The following DCLK1 variants were observed in gnomAD, a reference collection of about 807,000 sequenced individuals.
The protein encoded by DCLK1 is serine/threonine-protein kinase DCLK1.
DCLK1 carries 16 observed loss-of-function variants against 86.2 expected under a neutral mutation model. That is an observed-to-expected ratio of 0.19 (90% CI 0.13 to 0.28). The LOEUF (loss-of-function observed/expected upper bound fraction) is 0.28. Ranked by LOEUF, DCLK1 falls within the 10% of genes least tolerant of loss-of-function variation. The probability of loss-of-function intolerance (pLI) is 1.00; values close to 1 mark genes in which losing one functional copy is unlikely to be tolerated. For missense variants in DCLK1, 590 were observed against 940.2 expected, an observed-to-expected ratio of 0.63 and a Z score of 4.87; for synonymous variants, 369 against 370.5, an observed-to-expected ratio of 1.00 and a Z score of 0.05.
At chr13:35,998,751 C>T (rs921827644) in intron 3 of DCLK1, among the ~76,000 whole-genome samples, 1 of 152,154 alleles carries the variant, frequency 6.6e-6, no homozygotes, top group Non-Finnish European at 1.5e-5. Flanking sequence ...CTTTTCAGAG[C>T]TACACCCTAA....
At chr13:36,027,246 T>G (rs1764605082) in intron 3 of DCLK1, among the ~76,000 whole-genome samples, 1 of 152,160 alleles carries the variant, frequency 6.6e-6, no homozygotes, top group African/African-American at 2.4e-5. Context: ...GGGCATTAGA[T>G]TCTCATAAGG....
intron 3 of DCLK1, among the ~76,000 whole-genome samples, chr13:36,103,474 G>A (rs1374973489): frequency 1.3e-5 from 2 of 149,934 alleles, no homozygotes; most frequent in Non-Finnish European, 1.5e-5. Context: ...TTCTCAATGC[G>A]ACTATGGGTA....
At chr13:36,029,401 A>C (rs1201643053) in intron 3 of DCLK1, among the ~76,000 whole-genome samples, 1 of 152,124 alleles carries the variant, frequency 6.6e-6, no homozygotes, top group East Asian at 1.9e-4. Flanking sequence ...GGTCTGTCTT[A>C]TTTTCCTTAT....
intron 5 of DCLK1, among the ~76,000 whole-genome samples, chr13:35,867,941 GAA>G (rs1491364935): frequency 1.4e-5 from 2 of 139,204 alleles, no homozygotes; most frequent in African/African-American, 5.6e-5. Context: ...AAGAAAGAAA[GAA>G]AGAAAGAAAG....
At chr13:35,826,969 C>T (rs1030028846) in intron 10 of DCLK1, among the ~76,000 whole-genome samples, 1 of 152,150 alleles carries the variant, frequency 6.6e-6, no homozygotes, top group African/African-American at 2.4e-5. Context: ...ATGAAGCATG[C>T]CATTTTTTAA....
chr13:36,024,539 T>A (rs570287140), intron 3 of DCLK1, among the ~76,000 whole-genome samples: 1 of 152,238 alleles, frequency 6.6e-6, no homozygotes, highest in East Asian at 1.9e-4. Context: ...AGGATAAGAC[T>A]TGCACAATGA....
chr13:35,819,560 A>G (rs1156951146), intron 11 of DCLK1, among the ~76,000 whole-genome samples: 3 of 152,188 alleles, frequency 2.0e-5, no homozygotes, highest in Non-Finnish European at 4.4e-5. Flanking sequence ...CAGTCTTACA[A>G]TTTAGAAGGG....
intron 3 of DCLK1, among the ~76,000 whole-genome samples, chr13:35,958,236 ATCAT>A (rs1566620924): frequency 8.4e-4 from 114 of 136,466 alleles, no homozygotes; most frequent in African/African-American, 3.0e-3. Flanking sequence ...TATAACCACC[ATCAT>A]CACCACCACC....
At chr13:35,916,659 C>T (rs1350047451) in intron 4 of DCLK1, among the ~76,000 whole-genome samples, 1 of 152,118 alleles carries the variant, frequency 6.6e-6, no homozygotes. Flanking sequence ...GATACCCTTT[C>T]CTTAGCAGGT....
intron 2 of DCLK1, among the ~76,000 whole-genome samples, chr13:36,115,606 T>C (rs192023738): frequency 3.0e-4 from 45 of 152,222 alleles, no homozygotes; most frequent in Middle Eastern, 6.8e-3. Context: ...AATGTAATAC[T>C]CTGGGTGTCT....
At chr13:35,817,453 A>T (rs2087295306) in intron 11 of DCLK1, among the ~76,000 whole-genome samples, 1 of 152,222 alleles carries the variant, frequency 6.6e-6, no homozygotes, top group African/African-American at 2.4e-5. Flanking sequence ...GCTACCAGTA[A>T]TAAAGGACAT....
chr13:36,100,310 T>C (rs1593889887), intron 3 of DCLK1, among the ~76,000 whole-genome samples: 1 of 141,496 alleles, frequency 7.1e-6, no homozygotes, highest in Non-Finnish European at 1.5e-5. Flanking sequence ...GCCCAGGAGG[T>C]GGAGGCTGCA....
chr13:35,778,148 G>A (rs1425976862), intron 16 of DCLK1, among the ~76,000 whole-genome samples: 1 of 152,142 alleles, frequency 6.6e-6, no homozygotes, highest in African/African-American at 2.4e-5. Context: ...AAGTACAATA[G>A]AGGTGATCTG....
At chr13:36,080,587 T>C (rs7985725) in intron 3 of DCLK1, among the ~76,000 whole-genome samples, 40,647 of 152,092 alleles carry the variant, frequency 0.27, 5,766 homozygotes, top group East Asian at 0.5. Context: ...TCTACTTCCA[T>C]CTTGGTCCCG....
chr13:35,946,380 T>G (rs1235934281), intron 4 of DCLK1, among the ~76,000 whole-genome samples: 1 of 152,242 alleles, frequency 6.6e-6, no homozygotes, highest in East Asian at 1.9e-4. Flanking sequence ...GTGTATAATA[T>G]AGATGCTATG....
intron 3 of DCLK1, among the ~76,000 whole-genome samples, chr13:35,950,071 C>T (rs1343190): frequency 0.2 from 31,087 of 152,084 alleles, 3,502 homozygotes; most frequent in East Asian, 0.51. Flanking sequence ...TGATGTTTTC[C>T]GTGCTTTCTG....
At chr13:36,013,556 G>T (rs1881386569) in intron 3 of DCLK1, among the ~76,000 whole-genome samples, 1 of 152,152 alleles carries the variant, frequency 6.6e-6, no homozygotes, top group Non-Finnish European at 1.5e-5. Context: ...CAGGGGTCAG[G>T]GACCCACTTG....
At chr13:35,900,505 G>T (rs956040072) in intron 4 of DCLK1, among the ~76,000 whole-genome samples, 1 of 152,176 alleles carries the variant, frequency 6.6e-6, no homozygotes. Flanking sequence ...GCCTCCAAAA[G>T]TGTTGGGATT....
intron 3 of DCLK1, among the ~76,000 whole-genome samples, chr13:36,049,426 C>A (rs1448231936): frequency 6.6e-6 from 1 of 152,164 alleles, no homozygotes; most frequent in Admixed American, 6.5e-5. Context: ...TTGCATAGAT[C>A]CCTTCCATTA....
Sources: allele counts gnomAD v4.1 joint callset (sites outside exome capture counted in the v4.1 genomes callset), GRCh38; gene constraint gnomAD v4.1.1; transcripts MANE v1.5; gene names NCBI Gene and HGNC (gene_info 2026-07-23, HGNC 2026-07-21).